CARMIL3: variants seen among roughly 807,000 people sequenced by gnomAD.
CARMIL3 encodes capping protein, Arp2/3 and myosin-I linker protein 3.
CARMIL3 carries 88 observed loss-of-function variants against 180.8 expected under a neutral mutation model. That is an observed-to-expected ratio of 0.49 (90% CI 0.41 to 0.58). CARMIL3 has a LOEUF of 0.58. CARMIL3 is among the 20% of genes least tolerant of loss of function. The pLI is 0.00. For synonymous variants in CARMIL3, 696 were observed against 714.5 expected, an observed-to-expected ratio of 0.97 and a Z score of 0.41; for missense variants, 1,548 against 1,787.0, an observed-to-expected ratio of 0.87 and a Z score of 2.41.
Position 24,057,454 on chromosome 14 carries a change from A to G in CARMIL3, c.1140+210A>G, listed in dbSNP as rs570124481. Among the ~76,000 whole-genome samples, 7 of 152,296 alleles carry G rather than the reference A, an allele frequency of 4.6e-5. No homozygotes were observed. The South Asian group carries it at 1.5e-3, about 32-fold the overall frequency. On this transcript the variant is annotated intron_variant, in intron 14 of 39. Coordinates refer to ENST00000342740, the MANE Select transcript of CARMIL3 (RefSeq NM_138360.4). ...CTTGTGCTTGCTGTGCTTAAAAGCC[A>G]GCCCTTGCTCCCTTCCCCAGCTGTG...
chr14:24,067,466 G>T (rs2035798866), intron 36 of CARMIL3, among the ~76,000 whole-genome samples: 1 of 152,260 alleles, frequency 6.6e-6, no homozygotes, highest in African/African-American at 2.4e-5. Context: ...GGGCGTAAGG[G>T]CTGGAAAGAG....
chr14:24,065,528 C>T (rs981425818), intron 33 of CARMIL3, 94 bp from the exon 34 acceptor site: 117 of 1,503,254 alleles, frequency 7.8e-5, no homozygotes, highest in Non-Finnish European at 9.6e-5. Context: ...TGGCTAGGGA[C>T]TCAGTGAGGC....
chr14:24,065,201 G>C lies in CARMIL3; in HGVS notation c.3324G>C (p.Trp1108Cys), dbSNP rs747332999. The C allele has an allele frequency of 2.1e-5, 32 of 1,552,550 alleles. No individual in the cohort carries two copies. The South Asian group carries it at 3.9e-4, about 19-fold the overall frequency. ...PSLGNNSSPC[W>C]SPEEESSLLP... ...TCGGCAATAACTCCTCTCCCTGCTG[G>C]AGCCCAGAGGAGGAGAGCAGCCTCC... The change falls in exon 33 of 40, where the codon TGG becomes TGC. Residue 1108 changes from tryptophan (W) to cysteine (C), a missense_variant. By Grantham distance (215) the Trp-to-Cys change is radical. Transcript: ENST00000342740.
chr14:24,061,328 A>C lies in CARMIL3; in HGVS notation c.2305-169A>C. ...GTAGGGTGGAAGGAGCACTGACCAG[A>C]AAGTGGGGAAGCCTTAGTGTCCAAG... On this transcript the variant is annotated intron_variant, in intron 26 of 39. Transcript: ENST00000342740. This position sits in a 1 kb window ranked among gnomAD's most constrained non-coding sequence, Gnocchi z 4.1. 1.4e-6 allele frequency: 1 copy of C among 703,398 alleles called. No individual in the cohort carries two copies. Among genetic ancestry groups the C allele is most frequent in the South Asian group, 2.0e-5 (1 of 51,254 alleles). The allele number at this position is 703,398 out of a possible 1,614,324, so 43.6% of individuals were successfully genotyped here.
Position 24,061,131 on chromosome 14 carries a change from C to A in CARMIL3, c.2304+91C>A. On this transcript the variant is annotated intron_variant, in intron 26 of 39. Coordinates refer to ENST00000342740, the MANE Select transcript of CARMIL3 (RefSeq NM_138360.4). This position sits in a 1 kb window ranked among gnomAD's most constrained non-coding sequence, Gnocchi z 4.1. ...AGCTAAAGTCAGAGCTGGGAGACTT[C>A]TGGAGGGCCAGGAGGACATGCAGAG... The A allele has an allele frequency of 8.5e-7, 1 of 1,172,376 alleles. No homozygotes were observed. The highest frequency in any genetic ancestry group is 1.2e-6 in the Non-Finnish European group (1 of 815,932). The allele number at this position is 1,172,376 out of a possible 1,614,324, so 72.6% of individuals were successfully genotyped here.
chr14:24,059,951 G>T lies in CARMIL3; in HGVS notation c.1869-19G>T. On this transcript the variant is annotated intron_variant, in intron 22 of 39. Transcript: ENST00000342740. The surrounding 1 kb of genome is among the most constrained non-coding windows in gnomAD (Gnocchi z 6.3). ...CATCCTCACCTGTTCCCACCCAGCT[G>T]TGCCCCTGTGTCCCACAGCAACCAC... 1 of 1,613,308 alleles carries T rather than the reference G, an allele frequency of 6.2e-7. No homozygotes were observed. Among genetic ancestry groups the T allele is most frequent in the Non-Finnish European group, 8.5e-7 (1 of 1,179,496 alleles).
chr14:24,055,737 A>C lies in CARMIL3; in HGVS notation c.718A>C (p.Ser240Arg). Residue 240 changes from serine (S) to arginine (R), a missense_variant, in exon 10 of 40, where the codon AGC becomes CGC. Transcript: ENST00000342740. ...EVLEQVLHTLSKSGSLEELVL... is the reference protein window; with the variant it reads ...EVLEQVLHTLRKSGSLEELVL... ...GCTAGAACAGGTGCTACATACCCTA[A>C]GCAAGTCGGGGAGCCTCGAAGAGCT... 1 of 1,614,034 alleles carries C rather than the reference A, an allele frequency of 6.2e-7. No homozygotes were observed. The highest frequency in any genetic ancestry group is 1.7e-5 in the Admixed American group (1 of 60,016).
In CARMIL3 at chr14:24,069,490, T is replaced by A. The variant is rs2035840359; in HGVS notation, c.*86T>A. ...TCCACCCCCAGTCCCCAGGGCCCCC[T>A]GCCAGCCCCTGTCCTACAGGGGCAA... is the stretch of plus-strand genomic sequence containing the variant. On this transcript the variant is annotated 3_prime_UTR_variant, in exon 40 of 40. Coordinates refer to ENST00000342740, the MANE Select transcript of CARMIL3 (RefSeq NM_138360.4). 1.3e-6 allele frequency: 2 copies of A among 1,556,702 alleles called. No individual in the cohort carries two copies. Among genetic ancestry groups the A allele is most frequent in the African/African-American group, 2.7e-5 (2 of 73,502 alleles).
Position 24,060,694 on chromosome 14 carries a change from C to A in CARMIL3, c.2128C>A (p.Pro710Thr). 1 of 1,613,890 alleles carries A rather than the reference C, an allele frequency of 6.2e-7. No individual in the cohort carries two copies. The highest frequency in any genetic ancestry group is 8.5e-7 in the Non-Finnish European group (1 of 1,179,844). ...GGCCCTGAGACTATGCCCCCTGGAGCCTGTGCAGGATGAGCTACTCTACGC... is the reference window on the plus strand; with the variant it reads ...GGCCCTGAGACTATGCCCCCTGGAGACTGTGCAGGATGAGCTACTCTACGC... ...VRALRLCPLE[P>T]VQDELLYARD... The change falls in exon 25 of 40, where the codon CCT becomes ACT. Residue 710 changes from proline to threonine, a missense_variant. Pro to Thr is a conservative substitution (Grantham distance 38). Coordinates refer to ENST00000342740, the MANE Select transcript of CARMIL3 (RefSeq NM_138360.4).
At position 24,067,337 on chromosome 14, in the gene CARMIL3, G is replaced by A. The variant is rs996611270; in HGVS notation, c.3682+681G>A. Among the ~76,000 whole-genome samples the A allele has an allele frequency of 6.6e-5, 10 of 152,230 alleles. No homozygotes were observed. In the East Asian group the frequency reaches 9.6e-4, roughly 15 times the overall value. ...AGAAAAGCTGGTCAGCTCAGCATTCGCTCAGTCCAGCAGTTGCCAAAGGCC... is the reference window on the plus strand; with the variant it reads ...AGAAAAGCTGGTCAGCTCAGCATTCACTCAGTCCAGCAGTTGCCAAAGGCC... On this transcript the variant is annotated intron_variant, in intron 36 of 39. Coordinates refer to ENST00000342740, the MANE Select transcript of CARMIL3 (RefSeq NM_138360.4).
Position 24,059,421 on chromosome 14 carries a change from TGC to T in CARMIL3, c.1779_1780del (p.Gln594AspfsTer52), listed in dbSNP as rs773248518. On this transcript the variant is annotated frameshift_variant, in exon 21 of 40. Transcript: ENST00000342740. LOFTEE classifies it high-confidence loss of function. This position sits in a 1 kb window ranked among gnomAD's most constrained non-coding sequence, Gnocchi z 6.3. ...GGGGCCAAGATGCTGTCTAAGGCCC[TGC>T]AGATAAACTCCTCCCTCAGGTGGGG... 7.6e-6 allele frequency: 12 copies of T among 1,585,532 alleles called. No homozygotes were observed. The highest frequency in any genetic ancestry group is 1.0e-5 in the Non-Finnish European group (12 of 1,166,102).
chr14:24,057,435 C>T (rs2035683437), intron 14 of CARMIL3, among the ~76,000 whole-genome samples, 191 bp downstream of exon 14: 1 of 152,202 alleles, frequency 6.6e-6, no homozygotes, highest in Non-Finnish European at 1.5e-5. Context: ...CAAGCTTGTG[C>T]TTGCTGTGCT....
rs1369821518 is a variant in CARMIL3 at position 24,064,953 on chromosome 14, C to G, written c.3081-5C>G. On this transcript the variant is annotated splice_polypyrimidine_tract_variant and splice_region_variant and intron_variant, in intron 32 of 39. Transcript: ENST00000342740. Reference sequence around the variant, plus strand: ...TTGTTGCTAACTTACCCCGATTCTCCCCAGCTACCCCCGGACTCTGAGGAC... The same window carrying G: ...TTGTTGCTAACTTACCCCGATTCTCGCCAGCTACCCCCGGACTCTGAGGAC... The G allele has an allele frequency of 6.2e-7, 1 of 1,609,060 alleles. No homozygotes were observed. The highest frequency in any genetic ancestry group is 2.2e-5 in the East Asian group (1 of 44,730).
chr14:24,061,384 C>A lies in CARMIL3; in HGVS notation c.2305-113C>A. ...GCCACTAACAGTTTTGTGACTTAGG[C>A]AGGTCCCTCAGTCTCAGCAGGAGGG... is the stretch of plus-strand genomic sequence containing the variant. On this transcript the variant is annotated intron_variant, in intron 26 of 39. Coordinates refer to ENST00000342740, the MANE Select transcript of CARMIL3 (RefSeq NM_138360.4). The surrounding 1 kb of genome is among the most constrained non-coding windows in gnomAD (Gnocchi z 4.1). 1 of 1,100,988 alleles carries A rather than the reference C, an allele frequency of 9.1e-7. No homozygotes were observed. The highest frequency in any genetic ancestry group is 2.7e-5 in the Admixed American group (1 of 36,374). The allele number at this position is 1,100,988 out of a possible 1,614,324, so 68.2% of individuals were successfully genotyped here.
chr14:24,055,157 A>G (rs1244463972), intron 7 of CARMIL3, 21 bp downstream of exon 7: 12 of 1,613,928 alleles, frequency 7.4e-6, no homozygotes, highest in African/African-American at 1.3e-5. Context: ...CAGGGACCCC[A>G]TAGGGAACAG....
At position 24,063,644 on chromosome 14, in the gene CARMIL3, A is replaced by G. The variant is rs897557375; in HGVS notation, c.2979+111A>G. The G allele has an allele frequency of 9.5e-6, 10 of 1,054,160 alleles. No individual in the cohort carries two copies. In the Admixed American group the frequency reaches 2.6e-4, roughly 28 times the overall value. 65.3% of individuals were successfully genotyped at this position (1,054,160 alleles called of 1,614,324 possible). A position where few individuals can be genotyped will look rare whatever the true frequency, so the allele number is the denominator to read the frequency against. On this transcript the variant is annotated intron_variant, in intron 31 of 39. Coordinates refer to ENST00000342740, the MANE Select transcript of CARMIL3 (RefSeq NM_138360.4). ...AGACAGTAGCCTTGAGGGATTGGGC[A>G]GGAGTCCAGGCATGCCAATGAACAG...
chr14:24,063,005 C>T, intron 29 of CARMIL3, 115 bp from the exon 30 acceptor site: 1 of 1,542,838 alleles, frequency 6.5e-7, no homozygotes, highest in Non-Finnish European at 8.8e-7. Flanking sequence ...TCCCTCATCC[C>T]AGTGCCTCAG....
In CARMIL3 at chr14:24,059,398, G is replaced by T; in HGVS notation, c.1755G>T (p.Gly585=). The change falls in exon 21 of 40, where the codon GGG becomes GGT. Residue 585 remains glycine, a synonymous_variant. Transcript: ENST00000342740. This position sits in a 1 kb window ranked among gnomAD's most constrained non-coding sequence, Gnocchi z 6.3. ...DLSGNGMEDI[G]AKMLSKALQI... ...GCGGCAATGGCATGGAGGACATCGG[G>T]GCCAAGATGCTGTCTAAGGCCCTGC... 1 of 1,605,436 alleles carries T rather than the reference G, an allele frequency of 6.2e-7. No individual in the cohort carries two copies. The highest frequency in any genetic ancestry group is 1.1e-5 in the South Asian group (1 of 89,692).
At position 24,059,267 on chromosome 14, in the gene CARMIL3, C is replaced by A. The variant is rs760537826; in HGVS notation, c.1627-3C>A. ...TGGGTCCAACCGCCCCTTGCCCACA[C>A]AGTCCCTGCAGTCACTGTCGGTGGC... On this transcript the variant is annotated splice_polypyrimidine_tract_variant and splice_region_variant and intron_variant, in intron 20 of 39. Transcript: ENST00000342740. This position sits in a 1 kb window ranked among gnomAD's most constrained non-coding sequence, Gnocchi z 6.3. 4 of 1,613,836 alleles carry A rather than the reference C, an allele frequency of 2.5e-6. No homozygotes were observed. In the East Asian group the frequency reaches 8.9e-5, roughly 36 times the overall value.
Sources: gnomAD v4.1 joint callset for allele counts (sites outside exome capture counted in the v4.1 genomes callset) on GRCh38, gnomAD v4.1.1 for gene constraint, Gnocchi (gnomAD v3.1) non-coding constraint, MANE v1.5 for transcripts, NCBI Gene and HGNC (gene_info 2026-07-23, HGNC 2026-07-21) for gene names.